KCNN2: variants seen among roughly 807,000 people sequenced by gnomAD.
KCNN2 encodes the protein small conductance calcium-activated potassium channel protein 2.
In KCNN2, 24 loss-of-function variants were observed where a neutral mutation model predicts 55.5. That is an observed-to-expected ratio of 0.43 (90% CI 0.31 to 0.61). KCNN2 has a LOEUF of 0.61. Among genes scored for constraint, KCNN2 ranks in the 20% least tolerant of loss-of-function variants. KCNN2 has a pLI of 0.08. For missense variants in KCNN2, 754 were observed against 853.6 expected (o/e 0.88, Z 1.45); for synonymous variants, 431 against 336.1 (o/e 1.28, Z -3.09).
At chr5:114,363,445 C>T (rs911980077) in intron 1 of KCNN2, among the ~76,000 whole-genome samples, 184 bp downstream of exon 1, 1 of 152,258 alleles carries the variant, frequency 6.6e-6, no homozygotes, top group African/African-American at 2.4e-5. Flanking sequence ...GAGATGAACC[C>T]TTTCCGCGTG....
At chr5:114,373,496 G>C (rs568071831) in intron 2 of KCNN2, among the ~76,000 whole-genome samples, 2 of 150,462 alleles carry the variant, frequency 1.3e-5, no homozygotes, top group Non-Finnish European at 3.0e-5. Context: ...ACATAGTCTT[G>C]TGGCTTTGTG....
At chr5:114,161,218 C>G (rs1230220054) in intron 1 of KCNN2, among the ~76,000 whole-genome samples, 1 of 151,074 alleles carries the variant, frequency 6.6e-6, no homozygotes, top group Non-Finnish European at 1.5e-5. Context: ...AAAATCTCAG[C>G]ATTTGTTTGT....
At chr5:114,486,741 G>A (rs1206154065) in intron 5 of KCNN2, 1 of 1,298,244 alleles carries the variant, frequency 7.7e-7, no homozygotes, top group Non-Finnish European at 1.0e-6. Context: ...ACACGGTGGA[G>A]AACTCAACAC....
At chr5:114,265,638 C>G (rs751857552) in intron 2 of KCNN2, among the ~76,000 whole-genome samples, 3 of 152,132 alleles carry the variant, frequency 2.0e-5, no homozygotes, top group Non-Finnish European at 4.4e-5. Context: ...ATGAGGCCCA[C>G]CCACATAAGG....
chr5:114,074,293 CGTGTGT>C (rs371882287), intron 1 of KCNN2, among the ~76,000 whole-genome samples: 14,266 of 144,514 alleles, frequency 0.099, 764 homozygotes, highest in Middle Eastern at 0.18. Flanking sequence ...GCCATGTTTG[CGTGTGT>C]GTGTGTGTGT....
intron 2 of KCNN2, among the ~76,000 whole-genome samples, chr5:114,395,079 T>A (rs1758575216): frequency 6.6e-6 from 1 of 152,178 alleles, no homozygotes; most frequent in Non-Finnish European, 1.5e-5. Context: ...TTTAATGAAT[T>A]GTCCCCGACT....
At chr5:114,177,735 AAAGTT>A (rs1753165163) in intron 1 of KCNN2, among the ~76,000 whole-genome samples, 1 of 152,122 alleles carries the variant, frequency 6.6e-6, no homozygotes, top group Admixed American at 6.5e-5. Context: ...AATAACTTTG[AAAGTT>A]AAAGTATGAG....
chr5:114,170,030 C>A (rs79447886), intron 1 of KCNN2, among the ~76,000 whole-genome samples: 282 of 152,038 alleles, frequency 1.9e-3, no homozygotes, highest in African/African-American at 6.6e-3. Context: ...CTTCTTCTTC[C>A]CTACTTAGTA....
At chr5:114,341,072 C>T (rs2150036480) in intron 2 of KCNN2, among the ~76,000 whole-genome samples, 1 of 152,234 alleles carries the variant, frequency 6.6e-6, no homozygotes, top group East Asian at 1.9e-4. Flanking sequence ...ACCACATTTT[C>T]TTTATCCGGT....
intron 2 of KCNN2, among the ~76,000 whole-genome samples, chr5:114,371,724 A>T (rs140762911): frequency 1.8e-3 from 268 of 152,294 alleles, no homozygotes; most frequent in African/African-American, 6.3e-3. Flanking sequence ...TAAATAGTCC[A>T]ATTTCTTTGA....
intron 3 of KCNN2, among the ~76,000 whole-genome samples, chr5:114,407,688 CAGTGCATCGGA>C (rs1385844562): frequency 1.3e-5 from 2 of 152,144 alleles, no homozygotes; most frequent in African/African-American, 4.8e-5. Context: ...ACCATCTGAC[CAGTGCATCGGA>C]AGTCTTTTCT....
At chr5:114,166,057 T>A (rs537706014) in intron 1 of KCNN2, among the ~76,000 whole-genome samples, 69 of 152,202 alleles carry the variant, frequency 4.5e-4, no homozygotes, top group African/African-American at 1.1e-3. Flanking sequence ...AATTCTTTTT[T>A]TTATTATTAT....
At chr5:114,448,616 C>G (rs1205148877) in intron 3 of KCNN2, among the ~76,000 whole-genome samples, 4 of 152,196 alleles carry the variant, frequency 2.6e-5, no homozygotes, top group Non-Finnish European at 4.4e-5. Flanking sequence ...TCATCTTCAT[C>G]TGAGAACTCT....
intron 1 of KCNN2, among the ~76,000 whole-genome samples, chr5:114,093,062 C>G (rs1205712650): frequency 6.6e-6 from 1 of 152,144 alleles, no homozygotes; most frequent in Non-Finnish European, 1.5e-5. Flanking sequence ...GTCACATTGT[C>G]AGGATGCAGA....
At chr5:114,062,152 T>C (rs2112511787) in intron 1 of KCNN2, among the ~76,000 whole-genome samples, 1 of 152,240 alleles carries the variant, frequency 6.6e-6, no homozygotes, top group East Asian at 1.9e-4. Flanking sequence ...CACAGACTTG[T>C]CACGTAGTTA....
chr5:114,151,561 T>A lies in KCNN2; in HGVS notation c.-270-69919T>A, dbSNP rs186576264. On this transcript the variant is annotated intron_variant, in intron 1 of 10. Coordinates refer to the KCNN2 transcript ENST00000512097. ...AGAGATGTCCCAGAAAAAAAAAAAA[T>A]TGGTCAATTCAATGACCTGTTTTGA... Among the ~76,000 whole-genome samples the A allele has an allele frequency of 2.9e-3, 435 of 151,898 alleles. 1 individual carries two copies. The highest frequency in any genetic ancestry group is 0.01 in the African/African-American group (417 of 41,274).
intron 1 of KCNN2, among the ~76,000 whole-genome samples, chr5:114,125,111 A>G (rs748382790): frequency 9.2e-5 from 14 of 152,232 alleles, no homozygotes; most frequent in Non-Finnish European, 2.1e-4. Flanking sequence ...ATTTTGCTCT[A>G]ATTTGTATAT....
intron 1 of KCNN2, among the ~76,000 whole-genome samples, chr5:114,205,274 C>T (rs1345466328): frequency 1.3e-5 from 2 of 152,210 alleles, no homozygotes; most frequent in African/African-American, 2.4e-5. Context: ...GGTAAAATCA[C>T]ACAGTGTGAA....
At chr5:114,118,584 C>G (rs1292342821) in intron 1 of KCNN2, among the ~76,000 whole-genome samples, 2 of 151,818 alleles carry the variant, frequency 1.3e-5, no homozygotes, top group Non-Finnish European at 2.9e-5. Flanking sequence ...GGCTTTGGTT[C>G]AGGCCCTCTG....
Sources: allele counts gnomAD v4.1 joint callset (sites outside exome capture counted in the v4.1 genomes callset), GRCh38; gene constraint gnomAD v4.1.1; transcripts MANE v1.5; gene names NCBI Gene and HGNC (gene_info 2026-07-23, HGNC 2026-07-21).